Variants in CADPS2 observed in about 807,000 individuals in gnomAD.
CADPS2 encodes calcium dependent secretion activator 2.
In CADPS2, 93 loss-of-function variants were observed where a neutral mutation model predicts 172.5. That is an observed-to-expected ratio of 0.54 (90% CI 0.46 to 0.64). The LOEUF is 0.64. CADPS2 is among the 30% of genes least tolerant of loss of function. CADPS2 has a pLI of 0.00. For synonymous variants in CADPS2, 546 were observed against 555.2 expected (o/e 0.98, Z 0.23); for missense variants, 1,420 against 1,565.9 (o/e 0.91, Z 1.57).
chr7:122,762,530 G>A (rs1451173199), intron 1 of CADPS2, among the ~76,000 whole-genome samples: 1 of 152,096 alleles, frequency 6.6e-6, no homozygotes, highest in Admixed American at 6.6e-5. Flanking sequence ...AAATTTGAAG[G>A]AAACTGATTT....
Position 122,318,864 on chromosome 7 carries a change from C to T in CADPS2, c.*1301G>A, listed in dbSNP as rs528115062. 1 of 152,286 alleles carries T rather than the reference C, an allele frequency of 6.6e-6. No individual in the cohort carries two copies. Among genetic ancestry groups the T allele is most frequent in the South Asian group, 2.1e-4 (1 of 4,828 alleles). The allele number at this position is 152,286 out of a possible 1,614,324, so 9.4% of individuals were successfully genotyped here. A position where few individuals can be genotyped will look rare whatever the true frequency, so the allele number is the denominator to read the frequency against. On this transcript the variant is annotated 3_prime_UTR_variant, in exon 30 of 30. Coordinates refer to ENST00000449022, the MANE Select transcript of CADPS2 (RefSeq NM_017954.11). The stretch of plus-strand genomic sequence containing the variant: ...TTCATTTCTAAAGTTTCAGAATAAA[C>T]GTTTTCATAAATGCAGGGATACCTC...
intron 2 of CADPS2, among the ~76,000 whole-genome samples, chr7:122,680,482 G>A (rs899724662): frequency 5.9e-5 from 9 of 152,186 alleles, no homozygotes; most frequent in Non-Finnish European, 1.0e-4. Flanking sequence ...GGGAGACCAA[G>A]GTGGGTGGAT....
chr7:122,568,611 A>G (rs2066779665), intron 7 of CADPS2, among the ~76,000 whole-genome samples: 2 of 152,310 alleles, frequency 1.3e-5, no homozygotes, highest in South Asian at 4.1e-4. Context: ...TGGAGAAAGC[A>G]TTTCAACAGA....
intron 2 of CADPS2, among the ~76,000 whole-genome samples, chr7:122,700,695 C>T (rs2085907029): frequency 1.3e-5 from 2 of 152,076 alleles, no homozygotes; most frequent in Non-Finnish European, 2.9e-5. Flanking sequence ...TAGCTCTGCC[C>T]TATGTTATCA....
chr7:122,864,528 T>A (rs976279764), intron 1 of CADPS2, among the ~76,000 whole-genome samples: 1 of 152,062 alleles, frequency 6.6e-6, no homozygotes, highest in Non-Finnish European at 1.5e-5. Flanking sequence ...TGGCCACTTG[T>A]AGCTCTCAGG....
chr7:122,762,390 T>G (rs1326427173), intron 1 of CADPS2, among the ~76,000 whole-genome samples: 1 of 151,972 alleles, frequency 6.6e-6, no homozygotes, highest in Non-Finnish European at 1.5e-5. Context: ...ATTAACAAAT[T>G]AAGAATGCTG....
intron 3 of CADPS2, among the ~76,000 whole-genome samples, chr7:122,644,124 G>A (rs1473662080): frequency 1.3e-5 from 2 of 151,376 alleles, no homozygotes; most frequent in South Asian, 2.1e-4. Flanking sequence ...AGGAACAAAC[G>A]AAGGAAAAGA....
At chr7:122,568,442 A>G (rs1035920392) in intron 7 of CADPS2, among the ~76,000 whole-genome samples, 2 of 152,194 alleles carry the variant, frequency 1.3e-5, no homozygotes, top group African/African-American at 2.4e-5. Context: ...AAAAAAAGAT[A>G]AAACAAATAC....
At chr7:122,557,734 CA>C (rs2065208879) in intron 7 of CADPS2, among the ~76,000 whole-genome samples, 1 of 152,112 alleles carries the variant, frequency 6.6e-6, no homozygotes, top group South Asian at 2.1e-4. Flanking sequence ...TTGGTGGCCA[CA>C]AGGGTGAACT....
chr7:122,685,679 G>A (rs1361972100), intron 2 of CADPS2, among the ~76,000 whole-genome samples: 2 of 152,160 alleles, frequency 1.3e-5, no homozygotes, highest in Non-Finnish European at 2.9e-5. Flanking sequence ...TTATAACTAC[G>A]TAGCACATGA....
intron 9 of CADPS2, among the ~76,000 whole-genome samples, chr7:122,507,260 A>C (rs922100705): frequency 6.6e-6 from 1 of 152,266 alleles, no homozygotes; most frequent in Middle Eastern, 3.4e-3. Context: ...TGAAGGAATG[A>C]GCCATGCATG....
chr7:122,386,772 C>CAA (rs1461011033), intron 24 of CADPS2, among the ~76,000 whole-genome samples: 1 of 152,028 alleles, frequency 6.6e-6, no homozygotes, highest in Admixed American at 6.6e-5. Context: ...GTAAATGACA[C>CAA]AACACTTCAG....
At chr7:122,728,042 C>CA (rs976147751) in intron 2 of CADPS2, among the ~76,000 whole-genome samples, 35 of 151,524 alleles carry the variant, frequency 2.3e-4, no homozygotes, top group African/African-American at 8.0e-4. Flanking sequence ...CAACTCACTA[C>CA]AAAAAAAATA....
At chr7:122,679,645 C>T (rs1426135601) in intron 2 of CADPS2, among the ~76,000 whole-genome samples, 1 of 152,178 alleles carries the variant, frequency 6.6e-6, no homozygotes, top group African/African-American at 2.4e-5. Flanking sequence ...CTGGTAAAAA[C>T]TTGCTGGTTT....
At chr7:122,370,248 G>T (rs764113929) in intron 25 of CADPS2, among the ~76,000 whole-genome samples, 1 of 152,108 alleles carries the variant, frequency 6.6e-6, no homozygotes, top group African/African-American at 2.4e-5. Flanking sequence ...TCCTCCAAGG[G>T]TTAGCAAACT....
chr7:122,708,372 G>A lies in CADPS2; in HGVS notation c.453+28583C>T, dbSNP rs182417850. Among the ~76,000 whole-genome samples the A allele has an allele frequency of 3.7e-3, 565 of 150,914 alleles. 2 individuals carry two copies. Among genetic ancestry groups the A allele is most frequent in the African/African-American group, 0.013 (527 of 41,206 alleles). ...TTCAGAAAGGTGATCATTTCAGTAA[G>A]AGTATAGGATAGTTAGAATATTCAT... is the stretch of plus-strand genomic sequence containing the variant. On this transcript the variant is annotated intron_variant, in intron 2 of 29. Transcript: ENST00000449022.
At chr7:122,543,691 A>G (rs2063329245) in intron 8 of CADPS2, among the ~76,000 whole-genome samples, 1 of 152,122 alleles carries the variant, frequency 6.6e-6, no homozygotes, top group East Asian at 1.9e-4. Context: ...TCAGTCTGTG[A>G]TGGAAAAATG....
In CADPS2 at chr7:122,367,539, G is replaced by GTTTTTTTT. The variant is rs202155427; in HGVS notation, c.3388-6534_3388-6527dup. 1.4e-4 allele frequency among the ~76,000 whole-genome samples: 14 copies of GTTTTTTTT among 100,604 alleles called. 2 individuals are homozygous for GTTTTTTTT. The highest frequency in any genetic ancestry group is 5.7e-4 in the African/African-American group (13 of 22,700). The allele number at this position is 100,604 out of a possible 152,430, so 66.0% of individuals were successfully genotyped here. A position where few individuals can be genotyped will look rare whatever the true frequency, so the allele number is the denominator to read the frequency against. Reference sequence around the variant, plus strand: ...TAACCATATTCTAAACCTTCCCCCAGTTTTTTTTTTTTTTTTTTTTTTTTT... The same window carrying GTTTTTTTT: ...TAACCATATTCTAAACCTTCCCCCAGTTTTTTTTTTTTTTTTTTTTTTTTTTTTTTTTT... On this transcript the variant is annotated intron_variant, in intron 25 of 29. Transcript: ENST00000449022.
intron 2 of CADPS2, among the ~76,000 whole-genome samples, chr7:122,728,943 C>A (rs2091371365): frequency 2.0e-5 from 3 of 151,720 alleles, no homozygotes; most frequent in South Asian, 4.2e-4. Flanking sequence ...ACTATAGGCA[C>A]CCTACTCTGC....
Sources: gnomAD v4.1 joint callset for allele counts (sites outside exome capture counted in the v4.1 genomes callset) on GRCh38, gnomAD v4.1.1 for gene constraint, MANE v1.5 for transcripts, NCBI Gene and HGNC (gene_info 2026-07-23, HGNC 2026-07-21) for gene names.